Variants in NXPE2 observed in about 807,000 individuals in gnomAD.
NXPE2 encodes neurexophilin and PC-esterase domain family member 2.
A neutral mutation model predicts 34.4 loss-of-function variants in NXPE2; 34 were observed. That is an observed-to-expected ratio of 0.99 (90% CI 0.75 to 1.31). NXPE2 has a LOEUF of 1.31. Among genes scored for constraint, NXPE2 ranks in the 40% most tolerant of loss-of-function variants. The probability of loss-of-function intolerance (pLI) is 0.00; values close to 1 mark genes in which losing one functional copy is unlikely to be tolerated. For missense variants in NXPE2, 649 were observed against 672.5 expected, an observed-to-expected ratio of 0.97 and a Z score of 0.39; for synonymous variants, 235 against 231.3, an observed-to-expected ratio of 1.02 and a Z score of -0.15.
rs930862064 is a variant in NXPE2 at position 114,678,528 on chromosome 11, A to T, written c.-48A>T. On this transcript the variant is annotated 5_prime_UTR_variant, in exon 1 of 6. Transcript: ENST00000389586. ...TAAGATAAATGCAAAGACTGCTTTA[A>T]TCAAGGAGAGTCTCTGGACACTATA... 19 of 1,458,548 alleles carry T rather than the reference A, an allele frequency of 1.3e-5. No homozygotes were observed. Among genetic ancestry groups the T allele is most frequent in the Admixed American group, 2.0e-5 (1 of 49,138 alleles). The allele number at this position is 1,458,548 out of a possible 1,614,324, so 90.4% of individuals were successfully genotyped here.
the NXPE2 span, among the ~76,000 whole-genome samples, chr11:114,644,741 A>G: frequency 2.0e-5 from 3 of 152,174 alleles, no homozygotes; most frequent in East Asian, 1.9e-4. Flanking sequence ...TCTAAATGTT[A>G]TATGGAAGAG....
chr11:114,805,304 T>C, the NXPE2 span, among the ~76,000 whole-genome samples: 2 of 152,074 alleles, frequency 1.3e-5, no homozygotes, highest in African/African-American at 2.4e-5. Flanking sequence ...ACTGAGGTAC[T>C]GGGTTCATCT....
the NXPE2 span, among the ~76,000 whole-genome samples, chr11:114,645,187 A>G: frequency 6.6e-6 from 1 of 152,042 alleles, no homozygotes; most frequent in Non-Finnish European, 1.5e-5. Flanking sequence ...TTATAATCTC[A>G]GCTACACAGA....
At chr11:114,568,008 A>G in the NXPE2 span, among the ~76,000 whole-genome samples, 2,820 of 152,242 alleles carry the variant, frequency 0.019, 66 homozygotes, top group African/African-American at 0.061. Context: ...AAATAAACAT[A>G]TGAAACATCA....
At chr11:114,783,627 C>A in the NXPE2 span, among the ~76,000 whole-genome samples, 1 of 152,178 alleles carries the variant, frequency 6.6e-6, no homozygotes, top group Admixed American at 6.5e-5. Context: ...TTTCTGGGGT[C>A]CTCTTTACTC....
At chr11:114,754,740 G>A in the NXPE2 span, among the ~76,000 whole-genome samples, 5 of 152,144 alleles carry the variant, frequency 3.3e-5, no homozygotes, top group Non-Finnish European at 7.4e-5. Context: ...ATATGCTGTT[G>A]ACCAATGGGA....
chr11:114,479,363 G>C, the NXPE2 span, among the ~76,000 whole-genome samples: 3 of 152,192 alleles, frequency 2.0e-5, no homozygotes, highest in African/African-American at 7.2e-5. Flanking sequence ...AAGAATAAGG[G>C]TAGCTTGGAC....
chr11:114,579,101 T>C, the NXPE2 span, among the ~76,000 whole-genome samples: 1 of 152,216 alleles, frequency 6.6e-6, no homozygotes, highest in Non-Finnish European at 1.5e-5. Flanking sequence ...CATCGGCATC[T>C]GTTCAGCATC....
At chr11:114,553,818 T>C in the NXPE2 span, 1 of 969,872 alleles carries the variant, frequency 1.0e-6, no homozygotes, top group African/African-American at 1.8e-5. Flanking sequence ...TTCATGCACA[T>C]TTCTTTCCAA....
At chr11:114,477,623 T>G in the NXPE2 span, among the ~76,000 whole-genome samples, 1 of 152,166 alleles carries the variant, frequency 6.6e-6, no homozygotes, top group East Asian at 1.9e-4. Context: ...CTAAAGATAT[T>G]GCAAGAAAAA....
the NXPE2 span, among the ~76,000 whole-genome samples, chr11:114,470,474 G>C: frequency 1.4e-3 from 210 of 152,132 alleles, 2 homozygotes; most frequent in African/African-American, 4.8e-3. Context: ...ATCTTTTCAT[G>C]TATTTATTTG....
the NXPE2 span, among the ~76,000 whole-genome samples, chr11:114,481,866 C>T: frequency 1.3e-5 from 2 of 152,076 alleles, no homozygotes; most frequent in Non-Finnish European, 2.9e-5. Flanking sequence ...CCCTCATAAG[C>T]AATATTCAAC....
the NXPE2 span, among the ~76,000 whole-genome samples, chr11:114,806,710 T>A: frequency 3.3e-5 from 5 of 151,934 alleles, no homozygotes; most frequent in African/African-American, 1.2e-4. Flanking sequence ...CAAATCTACG[T>A]CTGATTGGTG....
chr11:114,681,244 A>G (rs920878256), intron 2 of NXPE2, among the ~76,000 whole-genome samples: 15 of 152,248 alleles, frequency 9.9e-5, no homozygotes, highest in African/African-American at 3.4e-4. Context: ...CTAAGCACTC[A>G]TTCAAAAAAC....
the NXPE2 span, among the ~76,000 whole-genome samples, chr11:114,648,331 T>C: frequency 6.6e-6 from 1 of 152,152 alleles, no homozygotes; most frequent in African/African-American, 2.4e-5. Context: ...GAAGAGCCAA[T>C]GTTTTGGTTC....
At chr11:114,633,629 A>T in the NXPE2 span, among the ~76,000 whole-genome samples, 4 of 144,736 alleles carry the variant, frequency 2.8e-5, no homozygotes, top group Non-Finnish European at 6.0e-5. Context: ...CCCAGCCCAC[A>T]ACTGTCCCCA....
At chr11:114,753,368 C>G in the NXPE2 span, among the ~76,000 whole-genome samples, 141,950 of 152,202 alleles carry the variant, frequency 0.93, 67,040 homozygotes, top group East Asian at 1. Flanking sequence ...ACGTCAGCCT[C>G]GGCGACAGAG....
the NXPE2 span, chr11:114,582,163 C>T: frequency 1.0e-6 from 1 of 1,001,442 alleles, no homozygotes; most frequent in Non-Finnish European, 1.4e-6. Flanking sequence ...TTCACAGATC[C>T]TTTCCCCAAA....
chr11:114,749,926 C>T, the NXPE2 span, among the ~76,000 whole-genome samples: 1 of 152,164 alleles, frequency 6.6e-6, no homozygotes, highest in Admixed American at 6.5e-5. Flanking sequence ...TCCTCTGATA[C>T]CCATGCCTGG....
Sources: allele counts gnomAD v4.1 joint callset (sites outside exome capture counted in the v4.1 genomes callset), GRCh38; gene constraint gnomAD v4.1.1; transcripts MANE v1.5; gene names NCBI Gene and HGNC (gene_info 2026-07-23, HGNC 2026-07-21).